Variants in TSPAN18 observed in about 807,000 individuals in gnomAD.
TSPAN18 encodes the protein tetraspanin-18.
In TSPAN18, 14 loss-of-function variants were observed where a neutral mutation model predicts 27.3. The observed-to-expected ratio is 0.51, with a 90% CI of 0.34 to 0.80. The LOEUF is 0.80. TSPAN18 is among the 30% of genes least tolerant of loss of function. The pLI, the probability that TSPAN18 is intolerant of heterozygous loss-of-function variation, is 0.01. For missense variants in TSPAN18, 268 were observed against 323.9 expected (o/e 0.83, Z 1.32); for synonymous variants, 143 against 136.5 (o/e 1.05, Z -0.33).
intron 3 of TSPAN18, chr11:44,901,112 C>T (rs1204093244): frequency 6.6e-6 from 1 of 152,198 alleles, no homozygotes; most frequent in Non-Finnish European, 1.5e-5. Flanking sequence ...CTGTTGGGCA[C>T]CAAAGCCCTC....
In TSPAN18 at chr11:44,908,769, G is replaced by GAGAAAAGAAAGAAAGAAAGAAAGAAAGAA. The variant is rs1554938044; in HGVS notation, c.64-931_64-930insAGAAAGAAAGAAAGAAAGAAAGAAAGAAA. On this transcript the variant is annotated intron_variant, in intron 4 of 9. Transcript: ENST00000520358. Reference sequence around the variant, plus strand: ...AAGAGAGAGAGAGAGAGAGAGAAAGGAGAAAGAAAGAAAGAAAGAAAGAAA... The same window carrying GAGAAAAGAAAGAAAGAAAGAAAGAAAGAA: ...AAGAGAGAGAGAGAGAGAGAGAAAGGAGAAAAGAAAGAAAGAAAGAAAGAAAGAAAGAAAGAAAGAAAGAAAGAAAGAAA... Among the ~76,000 whole-genome samples, 2 of 71,620 alleles carry GAGAAAAGAAAGAAAGAAAGAAAGAAAGAA rather than the reference G, an allele frequency of 2.8e-5. 1 individual carries two copies. The highest frequency in any genetic ancestry group is 5.1e-5 in the Non-Finnish European group (2 of 39,160). 47.0% of individuals were successfully genotyped at this position (71,620 alleles called of 152,430 possible).
chr11:44,814,508 T>C (rs1010530173), intron 2 of TSPAN18, among the ~76,000 whole-genome samples: 1 of 152,208 alleles, frequency 6.6e-6, no homozygotes, highest in African/African-American at 2.4e-5. Context: ...ATTTTGCAGA[T>C]GTGAAAACTG....
At chr11:44,894,210 G>A (rs1022162905) in intron 3 of TSPAN18, among the ~76,000 whole-genome samples, 4 of 152,230 alleles carry the variant, frequency 2.6e-5, no homozygotes, top group East Asian at 1.9e-4. Flanking sequence ...TCCCAGATGC[G>A]GAGGTGAGGC....
chr11:44,868,817 G>C (rs1361878946), intron 3 of TSPAN18, among the ~76,000 whole-genome samples: 1 of 152,250 alleles, frequency 6.6e-6, no homozygotes, highest in Non-Finnish European at 1.5e-5. Context: ...ATAGGCCGCT[G>C]GCTGGAGGGC....
intron 1 of TSPAN18, among the ~76,000 whole-genome samples, chr11:44,728,201 T>C (rs1331362341): frequency 1.3e-5 from 2 of 152,144 alleles, no homozygotes; most frequent in African/African-American, 4.8e-5. Flanking sequence ...TTCACAGTTA[T>C]AACTGCGCCG....
intron 2 of TSPAN18, among the ~76,000 whole-genome samples, chr11:44,824,220 C>T (rs1375245737): frequency 6.6e-6 from 1 of 152,222 alleles, no homozygotes; most frequent in Non-Finnish European, 1.5e-5. Context: ...GATGGATTGG[C>T]ACCCTGCCCT....
chr11:44,876,359 A>C (rs1858332736), intron 3 of TSPAN18, among the ~76,000 whole-genome samples: 1 of 152,160 alleles, frequency 6.6e-6, no homozygotes, highest in East Asian at 1.9e-4. Context: ...CACTCCTCTG[A>C]GTTTTAGTGA....
chr11:44,744,533 C>A (rs764611302), intron 1 of TSPAN18, among the ~76,000 whole-genome samples: 2 of 152,170 alleles, frequency 1.3e-5, no homozygotes, highest in African/African-American at 4.8e-5. Context: ...CAGGACTCAT[C>A]ATGTGACCTT....
At chr11:44,799,099 G>C (rs913368839) in intron 2 of TSPAN18, among the ~76,000 whole-genome samples, 1 of 146,818 alleles carries the variant, frequency 6.8e-6, no homozygotes, top group Admixed American at 6.9e-5. Context: ...GAGCTCCCCA[G>C]AGAGTGGGCC....
Position 44,727,121 on chromosome 11 carries a change from G to T in TSPAN18, c.-406G>T, listed in dbSNP as rs1590392742. ...GCCCCGGCCCCGGTCCCGGCCCCGA[G>T]CCCCGAGCGAGCGCCGCCGCCTCGC... On this transcript the variant is annotated 5_prime_UTR_variant, in exon 1 of 10. Coordinates refer to ENST00000520358, the MANE Select transcript of TSPAN18 (RefSeq NM_130783.5). 2.7e-5 allele frequency: 4 copies of T among 146,020 alleles called. No individual in the cohort carries two copies. The highest frequency in any genetic ancestry group is 1.0e-4 in the African/African-American group (4 of 40,132). 9.0% of individuals were successfully genotyped at this position (146,020 alleles called of 1,614,324 possible).
intron 1 of TSPAN18, among the ~76,000 whole-genome samples, chr11:44,739,525 G>A (rs1301215623): frequency 6.6e-6 from 1 of 152,194 alleles, no homozygotes; most frequent in Non-Finnish European, 1.5e-5. Context: ...TCAGGAGGCT[G>A]AGGCAGGAGA....
At chr11:44,776,100 A>G (rs572163729) in intron 2 of TSPAN18, among the ~76,000 whole-genome samples, 3 of 152,330 alleles carry the variant, frequency 2.0e-5, no homozygotes, top group Admixed American at 2.0e-4. Flanking sequence ...GTCAGTCTTC[A>G]CCGAGTGGCC....
At chr11:44,732,694 A>G (rs184222216) in intron 1 of TSPAN18, among the ~76,000 whole-genome samples, 17 of 152,294 alleles carry the variant, frequency 1.1e-4, no homozygotes, top group African/African-American at 4.1e-4. Flanking sequence ...AGAGCGGGGA[A>G]TGATCTTATT....
chr11:44,902,482 T>C (rs1240507635), intron 3 of TSPAN18, among the ~76,000 whole-genome samples: 1 of 152,190 alleles, frequency 6.6e-6, no homozygotes, highest in Non-Finnish European at 1.5e-5. Flanking sequence ...GAAGAGAGCC[T>C]GGGCTTGGTG....
At chr11:44,734,241 T>C (rs991688619) in intron 1 of TSPAN18, among the ~76,000 whole-genome samples, 6 of 152,172 alleles carry the variant, frequency 3.9e-5, no homozygotes, top group African/African-American at 1.4e-4. Context: ...TCTTCCTTTA[T>C]AAATTACCCA....
rs2135174273 is a variant in TSPAN18 at position 44,844,905 on chromosome 11, A to G, written c.-152-15423A>G. Among the ~76,000 whole-genome samples, 2 of 152,230 alleles carry G rather than the reference A, an allele frequency of 1.3e-5. 1 individual carries two copies. The highest frequency in any genetic ancestry group is 4.8e-5 in the African/African-American group (2 of 41,540). ...CTCACCTTGCCTGGTGCTCATCACC[A>G]CTCATTGAGGCAGGAGTCATCATCA... On this transcript the variant is annotated intron_variant, in intron 2 of 9. Coordinates refer to ENST00000520358, the MANE Select transcript of TSPAN18 (RefSeq NM_130783.5).
rs772612759 is a variant in TSPAN18 at position 44,930,945 on chromosome 11, G to A, written c.*1767G>A. On this transcript the variant is annotated 3_prime_UTR_variant, in exon 10 of 10. Coordinates refer to ENST00000520358, the MANE Select transcript of TSPAN18 (RefSeq NM_130783.5). The stretch of plus-strand genomic sequence containing the variant: ...CCCCTCAGGCTTTCCAGTCACCAGG[G>A]ACACTCGGAGCCACAGCCTAGAGCC... The A allele has an allele frequency of 3.9e-6, 2 of 512,552 alleles. No individual in the cohort carries two copies. Among genetic ancestry groups the A allele is most frequent in the African/African-American group, 3.9e-5 (2 of 51,426 alleles). The allele number at this position is 512,552 out of a possible 1,614,324, so 31.8% of individuals were successfully genotyped here. A position where few individuals can be genotyped will look rare whatever the true frequency, so the allele number is the denominator to read the frequency against.
intron 8 of TSPAN18, among the ~76,000 whole-genome samples, chr11:44,923,561 A>C (rs1860227971): frequency 6.6e-6 from 1 of 152,190 alleles, no homozygotes. Flanking sequence ...CCAGCCGCTC[A>C]TGCCAGCCCC....
At chr11:44,862,681 C>G (rs572390815) in intron 3 of TSPAN18, among the ~76,000 whole-genome samples, 72 of 152,376 alleles carry the variant, frequency 4.7e-4, no homozygotes, top group African/African-American at 1.7e-3. Flanking sequence ...CAGGACCCTC[C>G]TCTGGGTGTC....
Sources: gnomAD v4.1 joint callset for allele counts (sites outside exome capture counted in the v4.1 genomes callset) on GRCh38, gnomAD v4.1.1 for gene constraint, MANE v1.5 for transcripts, NCBI Gene and HGNC (gene_info 2026-07-23, HGNC 2026-07-21) for gene names.